CDH4: variants seen among roughly 807,000 people sequenced by gnomAD.
CDH4 encodes cadherin 4, also known as cadherin-4.
In CDH4, 33 loss-of-function variants were observed where a neutral mutation model predicts 86.0. The observed-to-expected ratio is 0.38, with a 90% CI of 0.29 to 0.51. The LOEUF is 0.51. Among genes scored for constraint, CDH4 ranks in the 20% least tolerant of loss-of-function variants. The pLI, the probability that CDH4 is intolerant of heterozygous loss-of-function variation, is 0.86. For synonymous variants in CDH4, 555 were observed against 549.4 expected (o/e 1.01, Z -0.14); for missense variants, 1,114 against 1,307.4 (o/e 0.85, Z 2.28).
chr20:61,929,598 C>G lies in CDH4; in HGVS notation c.2006-11C>G, dbSNP rs368867362. 2 of 1,606,562 alleles carry G rather than the reference C, an allele frequency of 1.2e-6. No individual in the cohort carries two copies. The highest frequency in any genetic ancestry group is 1.7e-6 in the Non-Finnish European group (2 of 1,173,454). ...GGCTCTGGTTGAATGTTTACTGTTG[C>G]TTTGCACCAGGTGACTATGCCCAAC... On this transcript the variant is annotated splice_polypyrimidine_tract_variant and intron_variant, in intron 12 of 15. Coordinates refer to ENST00000614565, the MANE Select transcript of CDH4 (RefSeq NM_001794.5).
intron 2 of CDH4, among the ~76,000 whole-genome samples, chr20:61,423,354 T>C (rs938335434): frequency 2.0e-5 from 3 of 152,158 alleles, no homozygotes; most frequent in Admixed American, 1.3e-4. Flanking sequence ...GGCCACTGCC[T>C]CATGTTTCTT....
intron 4 of CDH4, among the ~76,000 whole-genome samples, chr20:61,789,249 G>A (rs905122613): frequency 1.1e-4 from 16 of 152,226 alleles, no homozygotes; most frequent in African/African-American, 3.1e-4. Flanking sequence ...AGTGGTTTTC[G>A]ATGGAGTTAT....
chr20:61,534,661 C>CTTTTTTTTTTTTTTTTTTTTTTTT (rs2085981647), intron 2 of CDH4, among the ~76,000 whole-genome samples: 1 of 89,304 alleles, frequency 1.1e-5, no homozygotes, highest in African/African-American at 7.6e-5. Flanking sequence ...TTCTTTCTTT[C>CTTTTTTTTTTTTTTTTTTTTTTTT]TTTCTTTTTT....
chr20:61,379,992 T>G (rs1404917808), intron 2 of CDH4, among the ~76,000 whole-genome samples: 1 of 140,972 alleles, frequency 7.1e-6, no homozygotes, highest in Non-Finnish European at 1.6e-5. Context: ...TGCAGACTTT[T>G]TTTACAAAGA....
intron 3 of CDH4, among the ~76,000 whole-genome samples, chr20:61,757,080 A>G (rs553672162): frequency 2.0e-5 from 3 of 152,368 alleles, no homozygotes; most frequent in African/African-American, 7.2e-5. Context: ...ATGACGAGCT[A>G]TTTTAATGAG....
intron 2 of CDH4, among the ~76,000 whole-genome samples, chr20:61,605,495 C>CTTT (rs1303389536): frequency 4.6e-5 from 7 of 151,932 alleles, no homozygotes; most frequent in African/African-American, 1.7e-4. Context: ...GTCTCTCTCC[C>CTTT]CCCATGTCTC....
At chr20:61,812,242 G>T (rs900670877) in intron 4 of CDH4, among the ~76,000 whole-genome samples, 2 of 152,098 alleles carry the variant, frequency 1.3e-5, no homozygotes, top group East Asian at 1.9e-4. Flanking sequence ...CTAAGGGAGG[G>T]CGTGGTTGCA....
chr20:61,438,898 A>C (rs1181356719), intron 2 of CDH4, among the ~76,000 whole-genome samples: 1 of 150,626 alleles, frequency 6.6e-6, no homozygotes, highest in Non-Finnish European at 1.5e-5. Flanking sequence ...CCCCCAGACA[A>C]ATAGTAAAAA....
At chr20:61,520,461 C>T (rs1013742770) in intron 2 of CDH4, among the ~76,000 whole-genome samples, 6 of 152,164 alleles carry the variant, frequency 3.9e-5, no homozygotes, top group African/African-American at 9.7e-5. Context: ...GAGATAACCC[C>T]GATGCCTTCC....
intron 2 of CDH4, among the ~76,000 whole-genome samples, chr20:61,679,519 C>T (rs2087484811): frequency 6.6e-6 from 1 of 152,206 alleles, no homozygotes; most frequent in Non-Finnish European, 1.5e-5. Flanking sequence ...AATGGCACTC[C>T]AGTTCCAGCT....
chr20:61,647,939 G>A (rs1435906359), intron 2 of CDH4, among the ~76,000 whole-genome samples: 1 of 152,192 alleles, frequency 6.6e-6, no homozygotes, highest in Admixed American at 6.5e-5. Context: ...CCCCTGCAGG[G>A]GCTGCGGCCT....
chr20:61,572,775 G>GC (rs1263199179), intron 2 of CDH4, among the ~76,000 whole-genome samples: 1 of 152,226 alleles, frequency 6.6e-6, no homozygotes, highest in Admixed American at 6.5e-5. Flanking sequence ...AGAGGAATAT[G>GC]CAGCCCCAAG....
chr20:61,336,553 C>G (rs1255509848), intron 2 of CDH4, among the ~76,000 whole-genome samples: 1 of 152,166 alleles, frequency 6.6e-6, no homozygotes, highest in Non-Finnish European at 1.5e-5. Flanking sequence ...TTGTGGGCCT[C>G]CTTCAGCCTC....
chr20:61,795,631 G>C (rs775360746), intron 4 of CDH4, among the ~76,000 whole-genome samples: 9 of 152,216 alleles, frequency 5.9e-5, no homozygotes, highest in African/African-American at 2.2e-4. Context: ...CATCAAGGCA[G>C]AGAGAAGGGC....
rs915138203 is a variant in CDH4 at position 61,811,654 on chromosome 20, G to C, written c.577-33014G>C. Among the ~76,000 whole-genome samples, 1 of 150,734 alleles carries C rather than the reference G, an allele frequency of 6.6e-6. No homozygotes were observed. On this transcript the variant is annotated intron_variant, in intron 4 of 15. Coordinates refer to ENST00000614565, the MANE Select transcript of CDH4 (RefSeq NM_001794.5). The surrounding 1 kb of genome is among the most constrained non-coding windows in gnomAD (Gnocchi z 4.4). ...ACCCGGGGTCACGCCCCTGCCACCCGGGGTCACGCCCCTGGCTGCCTACTG... is the reference window on the plus strand; with the variant it reads ...ACCCGGGGTCACGCCCCTGCCACCCCGGGTCACGCCCCTGGCTGCCTACTG...
At chr20:61,592,892 T>A (rs1345963599) in intron 2 of CDH4, among the ~76,000 whole-genome samples, 1 of 152,202 alleles carries the variant, frequency 6.6e-6, no homozygotes, top group Non-Finnish European at 1.5e-5. Context: ...CCTGTGAATA[T>A]GGCATGTGAT....
At chr20:61,503,755 A>G (rs1297368238) in intron 2 of CDH4, among the ~76,000 whole-genome samples, 1 of 152,272 alleles carries the variant, frequency 6.6e-6, no homozygotes, top group African/African-American at 2.4e-5. Flanking sequence ...AACTAATGAT[A>G]TAAATTACAT....
intron 2 of CDH4, among the ~76,000 whole-genome samples, chr20:61,296,649 C>T (rs1010634156): frequency 6.6e-6 from 1 of 151,978 alleles, no homozygotes; most frequent in African/African-American, 2.4e-5. Flanking sequence ...CCATTCTGTT[C>T]GATTTCATTT....
At chr20:61,390,638 A>G (rs2084979002) in intron 2 of CDH4, among the ~76,000 whole-genome samples, 2 of 150,704 alleles carry the variant, frequency 1.3e-5, no homozygotes, top group South Asian at 4.3e-4. Flanking sequence ...GTACGGTCAT[A>G]GGGTGCCCAT....
Sources: gnomAD v4.1 joint callset for allele counts (sites outside exome capture counted in the v4.1 genomes callset) on GRCh38, gnomAD v4.1.1 for gene constraint, Gnocchi (gnomAD v3.1) non-coding constraint, MANE v1.5 for transcripts, NCBI Gene and HGNC (gene_info 2026-07-23, HGNC 2026-07-21) for gene names.